The following NCOA2 variants were observed in gnomAD, a reference collection of about 807,000 sequenced individuals.
NCOA2 encodes nuclear receptor coactivator 2.
NCOA2 carries 21 observed loss-of-function variants against 145.1 expected under a neutral mutation model. That is an observed-to-expected ratio of 0.14 (90% CI 0.10 to 0.21). NCOA2 has a LOEUF of 0.21. Ranked by LOEUF, NCOA2 falls within the 10% of genes least tolerant of loss-of-function variation. NCOA2 has a pLI of 1.00. For synonymous variants in NCOA2, 619 were observed against 637.5 expected, an observed-to-expected ratio of 0.97 and a Z score of 0.44; for missense variants, 1,472 against 1,837.6, an observed-to-expected ratio of 0.80 and a Z score of 3.64.
chr8:70,236,163 T>C (rs1821586211), intron 2 of NCOA2, among the ~76,000 whole-genome samples: 1 of 152,188 alleles, frequency 6.6e-6, no homozygotes, highest in African/African-American at 2.4e-5. Flanking sequence ...CTCTCCAATA[T>C]CCTCAAGTCT....
intron 15 of NCOA2, among the ~76,000 whole-genome samples, chr8:70,135,196 C>A (rs892850217): frequency 1.3e-5 from 2 of 152,202 alleles, no homozygotes; most frequent in Non-Finnish European, 2.9e-5. Flanking sequence ...ATCCTTCCCA[C>A]GCTCTTCTCC....
At chr8:70,433,170 T>C in the NCOA2 span, among the ~76,000 whole-genome samples, 3 of 152,230 alleles carry the variant, frequency 2.0e-5, no homozygotes, top group Non-Finnish European at 4.4e-5. Flanking sequence ...AGAAATACTG[T>C]GGTCTCATAA....
intron 1 of NCOA2, among the ~76,000 whole-genome samples, chr8:70,398,627 G>C (rs1813918294): frequency 6.6e-6 from 1 of 152,198 alleles, no homozygotes; most frequent in Non-Finnish European, 1.5e-5. Flanking sequence ...CCTAGTCAAA[G>C]TAAAGATGTT....
At chr8:70,416,158 CAG>C in the NCOA2 span, among the ~76,000 whole-genome samples, 8 of 150,620 alleles carry the variant, frequency 5.3e-5, no homozygotes, top group African/African-American at 2.0e-4. Flanking sequence ...AGTCTGGAAA[CAG>C]AATTCCTTCC....
At chr8:70,385,765 T>C (rs991311358) in intron 1 of NCOA2, among the ~76,000 whole-genome samples, 5 of 152,164 alleles carry the variant, frequency 3.3e-5, no homozygotes, top group Non-Finnish European at 5.9e-5. Context: ...CATATTCCAA[T>C]AGAATGTTCC....
chr8:70,305,936 G>A (rs1010306469), intron 1 of NCOA2, among the ~76,000 whole-genome samples: 5 of 152,040 alleles, frequency 3.3e-5, no homozygotes, highest in East Asian at 1.9e-4. Flanking sequence ...TCAACTTTCT[G>A]TATTTTACTG....
intron 4 of NCOA2, among the ~76,000 whole-genome samples, chr8:70,198,210 A>C (rs568820989): frequency 1.3e-5 from 2 of 152,356 alleles, no homozygotes; most frequent in African/African-American, 4.8e-5. Context: ...CTGTCGTGGT[A>C]ATGGTAATAG....
intron 1 of NCOA2, among the ~76,000 whole-genome samples, chr8:70,403,031 G>A (rs1455588454): frequency 6.8e-6 from 1 of 147,598 alleles, no homozygotes; most frequent in Non-Finnish European, 1.5e-5. Flanking sequence ...CCGGGCCGCG[G>A]CTCCCCTTCC....
intron 4 of NCOA2, among the ~76,000 whole-genome samples, chr8:70,193,776 A>C (rs1363674840): frequency 6.6e-6 from 1 of 152,202 alleles, no homozygotes. Flanking sequence ...ACAGGCTTAA[A>C]TAAGAAATCA....
intron 2 of NCOA2, among the ~76,000 whole-genome samples, chr8:70,256,695 G>A (rs982223920): frequency 6.6e-6 from 1 of 152,102 alleles, no homozygotes; most frequent in Non-Finnish European, 1.5e-5. Flanking sequence ...AGAGTACCAT[G>A]GAGCTGGTAC....
intron 1 of NCOA2, among the ~76,000 whole-genome samples, chr8:70,372,953 T>C (rs957269325): frequency 2.6e-5 from 4 of 152,242 alleles, no homozygotes; most frequent in Admixed American, 6.5e-5. Context: ...GTTTGTTCTT[T>C]TTTATTGCTA....
intron 1 of NCOA2, among the ~76,000 whole-genome samples, chr8:70,355,558 T>C (rs2130900561): frequency 6.6e-6 from 1 of 152,260 alleles, no homozygotes; most frequent in Non-Finnish European, 1.5e-5. Context: ...TTTTTTCAAA[T>C]GTCATGAGAT....
rs545953756 is a variant in NCOA2, at chr8:70,138,902, T to C, written c.3029-570A>G. Among the ~76,000 whole-genome samples the C allele has an allele frequency of 5.2e-5, 8 of 152,394 alleles. No homozygotes were observed. In the South Asian group the frequency reaches 1.7e-3, roughly 32 times the overall value. On this transcript the variant is annotated intron_variant, in intron 14 of 22. Coordinates refer to ENST00000452400, the MANE Select transcript of NCOA2 (RefSeq NM_006540.4). Reference sequence around the variant, plus strand: ...GTAAAATTTCTGGAAAACTCTACCATAACGCTTGGGCGATAATAAGAGTGA... The same window carrying C: ...GTAAAATTTCTGGAAAACTCTACCACAACGCTTGGGCGATAATAAGAGTGA...
At chr8:70,261,981 T>G (rs1337250003) in intron 2 of NCOA2, among the ~76,000 whole-genome samples, 2 of 152,114 alleles carry the variant, frequency 1.3e-5, no homozygotes, top group African/African-American at 4.8e-5. Flanking sequence ...AATCTAAGTC[T>G]TCATTTAGGA....
At chr8:70,215,998 A>G (rs915604086) in intron 3 of NCOA2, among the ~76,000 whole-genome samples, 10 of 152,218 alleles carry the variant, frequency 6.6e-5, no homozygotes, top group Non-Finnish European at 1.3e-4. Flanking sequence ...GATGTACCAC[A>G]GCTGTTTAAC....
Position 70,132,699 on chromosome 8 carries a change from G to A in NCOA2, c.3159-697C>T, listed in dbSNP as rs1809268934. 2.0e-5 allele frequency among the ~76,000 whole-genome samples: 3 copies of A among 152,150 alleles called. No individual in the cohort carries two copies. The South Asian group carries it at 6.2e-4, about 31-fold the overall frequency. ...CCTACCTCAGCATCCAAGTAGCTGG[G>A]ACTATAGGCACGCGCCACCACGCCT... On this transcript the variant is annotated intron_variant, in intron 15 of 22. Transcript: ENST00000452400.
chr8:70,126,415 A>T (rs1808415527), intron 19 of NCOA2, among the ~76,000 whole-genome samples: 2 of 152,362 alleles, frequency 1.3e-5, no homozygotes, highest in South Asian at 4.1e-4. Context: ...AGGTCTTTTT[A>T]CATTTTGTAT....
At chr8:70,220,704 T>A (rs1044420346) in intron 2 of NCOA2, among the ~76,000 whole-genome samples, 2 of 152,160 alleles carry the variant, frequency 1.3e-5, no homozygotes, top group African/African-American at 2.4e-5. Context: ...CCAATATAAT[T>A]TATAAGGTAA....
At chr8:70,350,291 T>G (rs1399256813) in intron 1 of NCOA2, among the ~76,000 whole-genome samples, 1 of 152,160 alleles carries the variant, frequency 6.6e-6, no homozygotes, top group Non-Finnish European at 1.5e-5. Context: ...TAATTATAAT[T>G]CATGTGATTT....
Sources: gnomAD v4.1 joint callset for allele counts (sites outside exome capture counted in the v4.1 genomes callset) on GRCh38, gnomAD v4.1.1 for gene constraint, MANE v1.5 for transcripts, NCBI Gene and HGNC (gene_info 2026-07-23, HGNC 2026-07-21) for gene names.